Variants in TMEM178B observed in about 807,000 individuals in gnomAD.
TMEM178B encodes transmembrane protein 178B.
Under a neutral mutation model 31.0 loss-of-function variants are expected in TMEM178B, and 5 were observed. The observed-to-expected ratio is 0.16, with a 90% CI of 0.08 to 0.34. The LOEUF (loss-of-function observed/expected upper bound fraction) is 0.34, where lower values mean the gene tolerates loss of function less well. Among genes scored for constraint, TMEM178B ranks in the 10% least tolerant of loss-of-function variants. The probability of loss-of-function intolerance (pLI) is 1.00; values close to 1 mark genes in which losing one functional copy is unlikely to be tolerated. For synonymous variants in TMEM178B, 164 were observed against 164.0 expected (o/e 1.00, Z 0.00); for missense variants, 275 against 400.3 (o/e 0.69, Z 2.67).
At position 141,391,682 on chromosome 7, in the gene TMEM178B, T is replaced by G. The variant is rs1263992261; in HGVS notation, c.497-45926T>G. Among the ~76,000 whole-genome samples the G allele has an allele frequency of 2.6e-5, 4 of 152,006 alleles. No individual in the cohort carries two copies. The East Asian group carries it at 7.7e-4, about 29-fold the overall frequency. ...AACTCTGTCCTCCATAGACATGAAT[T>G]CCCCCATTCTCCCCTCCCCCAGCCT... On this transcript the variant is annotated intron_variant, in intron 2 of 3. Transcript: ENST00000565468.
At chr7:141,443,693 G>A (rs1356591054) in intron 3 of TMEM178B, among the ~76,000 whole-genome samples, 1 of 152,172 alleles carries the variant, frequency 6.6e-6, no homozygotes, top group Non-Finnish European at 1.5e-5. Flanking sequence ...TCGGAAGGAA[G>A]TCACCACATG....
Position 141,238,326 on chromosome 7 carries a change from G to C in TMEM178B, c.496+25622G>C, listed in dbSNP as rs775521317. Among the ~76,000 whole-genome samples the C allele has an allele frequency of 5.6e-4, 86 of 152,280 alleles. 1 individual carries two copies. The highest frequency in any genetic ancestry group is 3.4e-3 in the Middle Eastern group (1 of 294). On this transcript the variant is annotated intron_variant, in intron 2 of 3. Transcript: ENST00000565468. ...GCAGCTCAGTGGTGGTCAGTGTTAT[G>C]ACAAGTGGGATAGAAGCCCCCAGGG...
At chr7:141,302,010 G>A (rs889459577) in intron 2 of TMEM178B, among the ~76,000 whole-genome samples, 2 of 152,178 alleles carry the variant, frequency 1.3e-5, no homozygotes, top group African/African-American at 4.8e-5. Context: ...GGAGTGGGGA[G>A]TTAATGTTTA....
chr7:141,309,703 G>C lies in TMEM178B; in HGVS notation c.496+96999G>C, dbSNP rs13221383. Among the ~76,000 whole-genome samples the C allele has an allele frequency of 3.4e-3, 516 of 152,136 alleles. 2 individuals carry two copies. The highest frequency in any genetic ancestry group is 5.7e-3 in the Non-Finnish European group (390 of 67,996). ...TATCCGTGTCTTGTCATTTCCTATA[G>C]ATTTCTTATAGATTACTTAAAAGTT... On this transcript the variant is annotated intron_variant, in intron 2 of 3. Transcript: ENST00000565468.
In TMEM178B at chr7:141,344,586, T is replaced by C. The variant is rs867562343; in HGVS notation, c.497-93022T>C. ...ATTCCTCCCTCCTCCCTTCCTTCCT[T>C]CCTTCCTTCCTTCCTTCCTTCCTTC... On this transcript the variant is annotated intron_variant, in intron 2 of 3. Coordinates refer to ENST00000565468, the MANE Select transcript of TMEM178B (RefSeq NM_001195278.2). This position sits in a 1 kb window ranked among gnomAD's most constrained non-coding sequence, Gnocchi z 4.1. Among the ~76,000 whole-genome samples, 15 of 121,684 alleles carry C rather than the reference T, an allele frequency of 1.2e-4. No homozygotes were observed. The highest frequency in any genetic ancestry group is 6.1e-4 in the South Asian group (2 of 3,278). The allele number at this position is 121,684 out of a possible 152,430, so 79.8% of individuals were successfully genotyped here. A position where few individuals can be genotyped will look rare whatever the true frequency, so the allele number is the denominator to read the frequency against.
intron 2 of TMEM178B, among the ~76,000 whole-genome samples, chr7:141,267,984 C>T (rs1449698475): frequency 2.6e-5 from 4 of 152,208 alleles, no homozygotes; most frequent in East Asian, 1.9e-4. Flanking sequence ...GATTCCAGCC[C>T]ATTTGTGGCT....
chr7:141,165,152 ATTAT>A (rs1252385739), intron 1 of TMEM178B, among the ~76,000 whole-genome samples: 1 of 149,256 alleles, frequency 6.7e-6, no homozygotes, highest in East Asian at 2.0e-4. Context: ...ACCTGATAAT[ATTAT>A]TTATTAGAAT....
At chr7:141,381,673 A>T (rs1800317795) in intron 2 of TMEM178B, among the ~76,000 whole-genome samples, 1 of 152,212 alleles carries the variant, frequency 6.6e-6, no homozygotes, top group South Asian at 2.1e-4. Flanking sequence ...AAAAAGCCCT[A>T]ACTACTTCTC....
chr7:141,230,289 T>C (rs1471443987), intron 2 of TMEM178B, among the ~76,000 whole-genome samples: 3 of 152,196 alleles, frequency 2.0e-5, no homozygotes, highest in Admixed American at 2.0e-4. Flanking sequence ...TAATGCCAAA[T>C]TGCTTTCCAG....
chr7:141,329,501 T>C (rs1025918108), intron 2 of TMEM178B, among the ~76,000 whole-genome samples: 1 of 152,174 alleles, frequency 6.6e-6, no homozygotes, highest in African/African-American at 2.4e-5. Context: ...GTCAGCAGAG[T>C]TGCCTTTTAT....
At chr7:141,485,187 C>T (rs897864541), downstream of TMEM178B, among the ~76,000 whole-genome samples, 3 of 152,154 alleles carry the variant, frequency 2.0e-5, no homozygotes, top group African/African-American at 7.2e-5. Context: ...TGAGAAAGCC[C>T]GGACCATGTG....
At chr7:141,381,315 GT>G (rs1338092125) in intron 2 of TMEM178B, among the ~76,000 whole-genome samples, 1 of 152,096 alleles carries the variant, frequency 6.6e-6, no homozygotes, top group Non-Finnish European at 1.5e-5. Context: ...GATAATTCTA[GT>G]TTTTTATTCA....
the TMEM178B span, among the ~76,000 whole-genome samples, chr7:141,503,795 T>C: frequency 3.5e-3 from 537 of 152,354 alleles, 5 homozygotes; most frequent in African/African-American, 0.013. Context: ...AATGTATGTA[T>C]GTGTTGCTTG....
At chr7:141,086,073 G>C in intron 1 of TMEM178B, among the ~76,000 whole-genome samples, 1 of 152,094 alleles carries the variant, frequency 6.6e-6, no homozygotes, top group South Asian at 2.1e-4. Flanking sequence ...GTCTTACTCT[G>C]TCGCTCAGGC....
chr7:141,143,653 T>A (rs1182983650), intron 1 of TMEM178B, among the ~76,000 whole-genome samples: 2 of 152,244 alleles, frequency 1.3e-5, no homozygotes, highest in African/African-American at 4.8e-5. Flanking sequence ...GGTAATGTGA[T>A]GCCTCTGGCT....
intron 1 of TMEM178B, among the ~76,000 whole-genome samples, chr7:141,199,743 G>A (rs1267571632): frequency 6.6e-6 from 1 of 152,032 alleles, no homozygotes; most frequent in Non-Finnish European, 1.5e-5. Context: ...AGGCCACCAT[G>A]CCTGGCTAAA....
chr7:141,447,762 G>T (rs1801787101), intron 3 of TMEM178B, among the ~76,000 whole-genome samples: 1 of 152,134 alleles, frequency 6.6e-6, no homozygotes. Flanking sequence ...TGAAGGTGTT[G>T]CAGGGGCAGC....
At chr7:141,195,593 TGTC>T (rs1212642693) in intron 1 of TMEM178B, among the ~76,000 whole-genome samples, 1 of 152,228 alleles carries the variant, frequency 6.6e-6, no homozygotes, top group Non-Finnish European at 1.5e-5. Context: ...CACATTTTCC[TGTC>T]TTCTTCTGAG....
chr7:141,206,707 G>A (rs887642), intron 1 of TMEM178B, among the ~76,000 whole-genome samples: 1 of 151,978 alleles, frequency 6.6e-6, no homozygotes, highest in South Asian at 2.1e-4. Flanking sequence ...TGCCAGCCCC[G>A]GGTCCTTTAC....
Sources: gnomAD v4.1 joint callset for allele counts (sites outside exome capture counted in the v4.1 genomes callset) on GRCh38, gnomAD v4.1.1 for gene constraint, Gnocchi (gnomAD v3.1) non-coding constraint, MANE v1.5 for transcripts, NCBI Gene and HGNC (gene_info 2026-07-23, HGNC 2026-07-21) for gene names.